The following NFIX variants were observed in gnomAD, a reference collection of about 807,000 sequenced individuals.
The protein encoded by NFIX is nuclear factor I X.
A neutral mutation model predicts 53.3 loss-of-function variants in NFIX; 2 were observed. The ratio of observed to expected loss-of-function variants is 0.04; its 90% CI spans 0.02 to 0.12. NFIX has a LOEUF of 0.12. Among genes scored for constraint, NFIX ranks in the 10% least tolerant of loss-of-function variants. The pLI, the probability that NFIX is intolerant of heterozygous loss-of-function variation, is 1.00. For synonymous variants in NFIX, 244 were observed against 289.0 expected (o/e 0.84, Z 1.58); for missense variants, 310 against 674.5 (o/e 0.46, Z 5.99).
rs2015215314 is a variant in NFIX at position 13,049,781 on chromosome 19, A to G, written c.560-23266A>G. On this transcript the variant is annotated intron_variant, in intron 2 of 10. Transcript: ENST00000592199. The surrounding 1 kb of genome is among the most constrained non-coding windows in gnomAD (Gnocchi z 4.5). ...GCTAATTTTTGTGTTTTTAGTAGAG[A>G]CAGGGTTTCACCATATTGGCCAGGC... Among the ~76,000 whole-genome samples, 1 of 152,046 alleles carries G rather than the reference A, an allele frequency of 6.6e-6. No homozygotes were observed. Among genetic ancestry groups the G allele is most frequent in the African/African-American group, 2.4e-5 (1 of 41,398 alleles).
chr19:13,056,620 G>A (rs547024683), intron 2 of NFIX, among the ~76,000 whole-genome samples: 1 of 152,230 alleles, frequency 6.6e-6, no homozygotes, highest in East Asian at 1.9e-4. Context: ...CCTTCCACTC[G>A]GGAGCCCAGT....
intron 8 of NFIX, among the ~76,000 whole-genome samples, chr19:13,085,069 CAA>C (rs555726363): frequency 3.5e-4 from 19 of 54,930 alleles, no homozygotes; most frequent in Admixed American, 6.4e-4. Context: ...GACTCCATCT[CAA>C]AAAAAAAAAA....
chr19:13,003,644 A>ATT (rs145552082), intron 1 of NFIX, among the ~76,000 whole-genome samples: 2 of 146,798 alleles, frequency 1.4e-5, no homozygotes, highest in Middle Eastern at 3.3e-3. Flanking sequence ...GTCTGGAAAC[A>ATT]TTTTTTTTTT....
chr19:13,080,867 G>C (rs2017416396), intron 7 of NFIX, among the ~76,000 whole-genome samples: 1 of 152,086 alleles, frequency 6.6e-6, no homozygotes, highest in Non-Finnish European at 1.5e-5. Flanking sequence ...GGGCGTGGTG[G>C]TGGGCGCCTG....
rs1327835917 is a variant in NFIX, at chr19:13,060,299, T to C, written c.560-12748T>C. ...CCCAGCCCCCACTCTGAGGAAGCCT[T>C]GGATGGGCCATTCCTGGCCCAGAGC... On this transcript the variant is annotated intron_variant, in intron 2 of 10. Transcript: ENST00000592199. The surrounding 1 kb of genome is among the most constrained non-coding windows in gnomAD (Gnocchi z 4.3). Among the ~76,000 whole-genome samples the C allele has an allele frequency of 2.0e-5, 3 of 152,202 alleles. No homozygotes were observed. Among genetic ancestry groups the C allele is most frequent in the African/African-American group, 7.2e-5 (3 of 41,444 alleles).
Position 13,098,770 on chromosome 19 carries a change from TAAAG to T in NFIX, c.*4125_*4128del, listed in dbSNP as rs1216805678. The T allele has an allele frequency of 6.4e-6, 1 of 157,414 alleles. No individual in the cohort carries two copies. The highest frequency in any genetic ancestry group is 6.6e-5 in the Admixed American group (1 of 15,264). 9.8% of individuals were successfully genotyped at this position (157,414 alleles called of 1,614,324 possible). A position where few individuals can be genotyped will look rare whatever the true frequency, so the allele number is the denominator to read the frequency against. On this transcript the variant is annotated 3_prime_UTR_variant, in exon 11 of 11. Coordinates refer to ENST00000592199, the MANE Select transcript of NFIX (RefSeq NM_001365902.3). ...TTGAATGGCTAATGTGTATGTGAAA[TAAAG>T]AAATAAAGAAAAACAAACGCGAGAG...
In NFIX at chr19:13,028,829, C is replaced by G. The variant is rs1026853578; in HGVS notation, c.559+3277C>G. ...CTCTGCTTGTGTGAGAAAGGATGGCCGAGCTGGCCTAGAACCGCTGCTAGA... is the reference window on the plus strand; with the variant it reads ...CTCTGCTTGTGTGAGAAAGGATGGCGGAGCTGGCCTAGAACCGCTGCTAGA... On this transcript the variant is annotated intron_variant, in intron 2 of 10. Transcript: ENST00000592199. The surrounding 1 kb of genome is among the most constrained non-coding windows in gnomAD (Gnocchi z 4.2). Among the ~76,000 whole-genome samples, 15 of 152,148 alleles carry G rather than the reference C, an allele frequency of 9.9e-5. No homozygotes were observed. The highest frequency in any genetic ancestry group is 2.6e-4 in the African/African-American group (11 of 41,510).
intron 1 of NFIX, chr19:13,024,048 T>G (rs1167660527): frequency 2.7e-6 from 4 of 1,468,126 alleles, no homozygotes; most frequent in Non-Finnish European, 3.7e-6. Context: ...ATTATTTAAT[T>G]TTTTCCAGTT....
intron 2 of NFIX, among the ~76,000 whole-genome samples, chr19:13,054,642 C>T (rs2015536319): frequency 6.6e-6 from 1 of 152,122 alleles, no homozygotes; most frequent in African/African-American, 2.4e-5. Context: ...TGTCCTAGGC[C>T]TGGTCTTGCT....
At chr19:13,034,453 A>C (rs947117992) in intron 2 of NFIX, among the ~76,000 whole-genome samples, 2 of 152,146 alleles carry the variant, frequency 1.3e-5, no homozygotes, top group African/African-American at 4.8e-5. Flanking sequence ...TGCTGCAGCC[A>C]GCTCTGCTTC....
intron 1 of NFIX, among the ~76,000 whole-genome samples, chr19:13,019,528 T>C (rs949786340): frequency 3.9e-5 from 6 of 152,152 alleles, no homozygotes; most frequent in Non-Finnish European, 7.3e-5. Context: ...TTTTCAGTTG[T>C]GGGCCTAGCT....
Position 13,095,283 on chromosome 19 carries a change from C to T in NFIX, c.*634C>T, listed in dbSNP as rs1266600651. ...AGAGCAGCCTCCACTTACCCCACCC[C>T]ACCCTTGGGCTAAAAGCCCCCAGGC... On this transcript the variant is annotated 3_prime_UTR_variant, in exon 11 of 11. Coordinates refer to ENST00000592199, the MANE Select transcript of NFIX (RefSeq NM_001365902.3). 1 of 152,284 alleles carries T rather than the reference C, an allele frequency of 6.6e-6. No individual in the cohort carries two copies. 9.4% of individuals were successfully genotyped at this position (152,284 alleles called of 1,614,324 possible).
At position 13,066,905 on chromosome 19, in the gene NFIX, T is replaced by C. The variant is rs2016439243; in HGVS notation, c.560-6142T>C. On this transcript the variant is annotated intron_variant, in intron 2 of 10. Transcript: ENST00000592199. This position sits in a 1 kb window ranked among gnomAD's most constrained non-coding sequence, Gnocchi z 4.2. ...TGCCCTGCATTCTCAAGGACTTCCT[T>C]GGTCCCCTGAGTCTCCTGTCTGCTG... Among the ~76,000 whole-genome samples the C allele has an allele frequency of 6.6e-6, 1 of 152,154 alleles. No individual in the cohort carries two copies. The highest frequency in any genetic ancestry group is 1.5e-5 in the Non-Finnish European group (1 of 68,012).
chr19:13,018,007 G>T (rs960311185), intron 1 of NFIX, among the ~76,000 whole-genome samples: 4 of 152,192 alleles, frequency 2.6e-5, no homozygotes, highest in African/African-American at 9.6e-5. Context: ...CAGCCTGCCG[G>T]CTGGAGAAGA....
intron 8 of NFIX, among the ~76,000 whole-genome samples, chr19:13,086,105 G>C (rs768249175): frequency 1.3e-5 from 2 of 152,194 alleles, no homozygotes; most frequent in African/African-American, 4.8e-5. Flanking sequence ...AGAGAGCTTC[G>C]CAGCAAGCCA....
In NFIX at chr19:12,996,849, G is replaced by A. The variant is rs1416059895; in HGVS notation, c.27+985G>A. Among the ~76,000 whole-genome samples, 4 of 152,374 alleles carry A rather than the reference G, an allele frequency of 2.6e-5. No individual in the cohort carries two copies. Among genetic ancestry groups the A allele is most frequent in the Middle Eastern group, 3.4e-3 (1 of 294 alleles). On this transcript the variant is annotated intron_variant, in intron 1 of 10. Coordinates refer to ENST00000592199, the MANE Select transcript of NFIX (RefSeq NM_001365902.3). The surrounding 1 kb of genome is among the most constrained non-coding windows in gnomAD (Gnocchi z 5.2). ...AGTTCCCTGCGCGGCGCACGGCTGCGGCAAAAGCTTCGAGGATGCCTGTCG... is the reference window on the plus strand; with the variant it reads ...AGTTCCCTGCGCGGCGCACGGCTGCAGCAAAAGCTTCGAGGATGCCTGTCG...
At chr19:13,071,364 A>G (rs2016766911) in intron 2 of NFIX, 1 of 152,212 alleles carries the variant, frequency 6.6e-6, no homozygotes, top group South Asian at 2.1e-4. Context: ...GGTAGTATCA[A>G]GAAAGTTCAC....
intron 1 of NFIX, 174 bp from the exon 2 acceptor site, chr19:13,024,847 T>C: frequency 2.3e-6 from 3 of 1,324,880 alleles, no homozygotes; most frequent in East Asian, 2.5e-5. Flanking sequence ...AACCACACTT[T>C]CGTAGAACAA....
At chr19:13,033,189 G>A (rs569117466) in intron 2 of NFIX, among the ~76,000 whole-genome samples, 62 of 152,286 alleles carry the variant, frequency 4.1e-4, no homozygotes, top group African/African-American at 1.4e-3. Flanking sequence ...GGCCGCCGTC[G>A]CCATTTTAAG....
Sources: allele counts gnomAD v4.1 joint callset (sites outside exome capture counted in the v4.1 genomes callset), GRCh38; gene constraint gnomAD v4.1.1; non-coding constraint Gnocchi (gnomAD v3.1); transcripts MANE v1.5; gene names NCBI Gene and HGNC (gene_info 2026-07-23, HGNC 2026-07-21).